ESRRB: variants seen among roughly 807,000 people sequenced by gnomAD.
The protein encoded by ESRRB is steroid hormone receptor ERR2.
In ESRRB, 16 loss-of-function variants were observed where a neutral mutation model predicts 46.0. The observed-to-expected ratio is 0.35, with a 90% CI of 0.24 to 0.53. The LOEUF (loss-of-function observed/expected upper bound fraction) is 0.53. ESRRB is among the 20% of genes least tolerant of loss of function. The pLI is 0.93. For synonymous variants in ESRRB, 246 were observed against 259.6 expected (o/e 0.95, Z 0.50); for missense variants, 488 against 607.4 (o/e 0.80, Z 2.07).
intron 1 of ESRRB, chr14:76,407,684 A>G: frequency 1.3e-6 from 1 of 762,062 alleles, no homozygotes; most frequent in Non-Finnish European, 1.6e-6. Context: ...GATGCAGACC[A>G]TGCTGTCTTG....
chr14:76,404,977 G>T (rs375115532), intron 1 of ESRRB, among the ~76,000 whole-genome samples: 2 of 152,146 alleles, frequency 1.3e-5, no homozygotes, highest in Non-Finnish European at 2.9e-5. Context: ...TGGTTGCATC[G>T]TTTTCTAAAG....
intron 1 of ESRRB, among the ~76,000 whole-genome samples, chr14:76,427,011 G>A (rs1318600566): frequency 1.3e-5 from 2 of 152,212 alleles, no homozygotes; most frequent in East Asian, 3.8e-4. Context: ...TCGTTCACCT[G>A]AACAGAGATG....
intron 1 of ESRRB, among the ~76,000 whole-genome samples, chr14:76,361,847 A>G (rs1884468603): frequency 6.6e-6 from 1 of 152,212 alleles, no homozygotes; most frequent in African/African-American, 2.4e-5. Flanking sequence ...GCACAGCATG[A>G]CTGGGCTCTC....
intron 1 of ESRRB, among the ~76,000 whole-genome samples, chr14:76,402,813 C>T (rs1363340120): frequency 1.3e-5 from 2 of 152,108 alleles, no homozygotes; most frequent in African/African-American, 2.4e-5. Context: ...GGACTACAGG[C>T]ATGACATCCC....
intron 5 of ESRRB, among the ~76,000 whole-genome samples, chr14:76,486,558 CT>C (rs35762017): frequency 0.2 from 29,900 of 149,008 alleles, 3,096 homozygotes; most frequent in East Asian, 0.42. Flanking sequence ...AAATTACGTG[CT>C]TTTTTTTTTT....
At chr14:76,497,368 C>T (rs1203362894) in intron 6 of ESRRB, among the ~76,000 whole-genome samples, 1 of 152,146 alleles carries the variant, frequency 6.6e-6, no homozygotes, top group Non-Finnish European at 1.5e-5. Flanking sequence ...GGGTAATGTG[C>T]TGCTTCAGTC....
chr14:76,381,877 A>G (rs1885027498), intron 1 of ESRRB, among the ~76,000 whole-genome samples: 1 of 152,186 alleles, frequency 6.6e-6, no homozygotes, highest in South Asian at 2.1e-4. Flanking sequence ...AAAGGACACA[A>G]AAACACCAGA....
upstream of ESRRB, among the ~76,000 whole-genome samples, chr14:76,372,870 A>T (rs1246756164): frequency 6.6e-6 from 1 of 152,228 alleles, no homozygotes; most frequent in African/African-American, 2.4e-5. Flanking sequence ...GTCTTTTAAG[A>T]TTTAGGAATT....
At chr14:76,442,382 A>G (rs1292611283) in intron 2 of ESRRB, among the ~76,000 whole-genome samples, 1 of 152,194 alleles carries the variant, frequency 6.6e-6, no homozygotes, top group East Asian at 1.9e-4. Flanking sequence ...AGGCTGAGGC[A>G]GGAGAATCCC....
chr14:76,498,425 A>C lies in ESRRB; in HGVS notation c.1332A>C (p.Lys444Asn). 3 of 1,613,400 alleles carry C rather than the reference A, an allele frequency of 1.9e-6. No individual in the cohort carries two copies. Among genetic ancestry groups the C allele is most frequent in the Middle Eastern group, 3.3e-4 (2 of 6,062 alleles). Residue 444 changes from lysine to asparagine, a missense_variant, in exon 7 of 7, where the codon AAA becomes AAC. Lys to Asn is a moderately conservative substitution (Grantham distance 94, BLOSUM62 0). Coordinates refer to ENST00000644823, the MANE Select transcript of ESRRB (RefSeq NM_001379180.1). ...VKLQGKVPMH[K>N]LFLEMLEAKV The stretch of plus-strand genomic sequence containing the variant: ...TGCAGGGCAAAGTGCCCATGCACAA[A>C]CTCTTCCTGGAGATGCTGGAGGCCA...
intron 1 of ESRRB, among the ~76,000 whole-genome samples, chr14:76,318,529 C>T (rs1595043059): frequency 6.6e-6 from 1 of 152,232 alleles, no homozygotes; most frequent in Non-Finnish European, 1.5e-5. Context: ...CGCCAAGCTA[C>T]TAGAGCCTTA....
intron 1 of ESRRB, among the ~76,000 whole-genome samples, chr14:76,357,541 G>T (rs555321444): frequency 1.3e-5 from 2 of 152,124 alleles, no homozygotes; most frequent in African/African-American, 4.8e-5. Flanking sequence ...AGAGATGGGG[G>T]TCTCGCTCCC....
chr14:76,440,373 C>T (rs375225150), intron 2 of ESRRB, among the ~76,000 whole-genome samples: 1 of 152,082 alleles, frequency 6.6e-6, no homozygotes, highest in East Asian at 1.9e-4. Flanking sequence ...GCTGAGGCTG[C>T]AGTGACCTGT....
intron 2 of ESRRB, among the ~76,000 whole-genome samples, chr14:76,451,907 G>A (rs2139963687): frequency 6.7e-6 from 1 of 148,584 alleles, no homozygotes; most frequent in African/African-American, 2.5e-5. Context: ...CCAAAGTGCA[G>A]GGATTACAGG....
chr14:76,364,006 G>A (rs2139774177), intron 1 of ESRRB, among the ~76,000 whole-genome samples: 1 of 152,270 alleles, frequency 6.6e-6, no homozygotes. Context: ...CCTGAAATGG[G>A]ACTAAGTGGC....
chr14:76,464,115 A>G (rs1595144516), intron 3 of ESRRB, among the ~76,000 whole-genome samples: 1 of 152,118 alleles, frequency 6.6e-6, no homozygotes, highest in Non-Finnish European at 1.5e-5. Flanking sequence ...ATTCTTAGAG[A>G]TCAACTTTTA....
chr14:76,492,603 C>G (rs60839677), intron 6 of ESRRB, among the ~76,000 whole-genome samples: 11,518 of 152,294 alleles, frequency 0.076, 854 homozygotes, highest in East Asian at 0.31. Context: ...CAGGGTCACA[C>G]AGTTAAAAAG....
At chr14:76,407,724 C>A in intron 1 of ESRRB, 1 of 331,836 alleles carries the variant, frequency 3.0e-6, no homozygotes, top group Non-Finnish European at 4.3e-6. Context: ...TCTAGGAGGG[C>A]AGAAATACCA....
In ESRRB at chr14:76,465,829, G is replaced by A. The variant is rs564551390; in HGVS notation, c.577+3168G>A. 2.0e-5 allele frequency among the ~76,000 whole-genome samples: 3 copies of A among 152,340 alleles called. No individual in the cohort carries two copies. In the East Asian group the frequency reaches 5.8e-4, roughly 29 times the overall value. ...GGTCCAGATCCAAGAGCGGGGAGAT[G>A]ACACAAAGGCTCCTGAGTACGGACA... On this transcript the variant is annotated intron_variant, in intron 3 of 6. Coordinates refer to ENST00000644823, the MANE Select transcript of ESRRB (RefSeq NM_001379180.1).
Sources: gnomAD v4.1 joint callset for allele counts (sites outside exome capture counted in the v4.1 genomes callset) on GRCh38, gnomAD v4.1.1 for gene constraint, MANE v1.5 for transcripts, NCBI Gene and HGNC (gene_info 2026-07-23, HGNC 2026-07-21) for gene names.